Variants in CSMD1 observed in about 807,000 individuals in gnomAD.
The protein encoded by CSMD1 is CUB and sushi domain-containing protein 1.
Under a neutral mutation model 417.5 loss-of-function variants are expected in CSMD1, and 213 were observed. That is an observed-to-expected ratio of 0.51 (90% CI 0.46 to 0.57). CSMD1 has a LOEUF of 0.57. Ranked by LOEUF, CSMD1 falls within the 20% of genes least tolerant of loss-of-function variation. CSMD1 has a pLI of 0.00. For synonymous variants in CSMD1, 2,862 were observed against 1,736.8 expected (o/e 1.65, Z -16.11); for missense variants, 6,923 against 4,529.7 (o/e 1.53, Z -15.17).
chr8:3,241,973 T>C (rs111279098), intron 26 of CSMD1, among the ~76,000 whole-genome samples: 70,308 of 99,154 alleles, frequency 0.71, 26,270 homozygotes, highest in Non-Finnish European at 0.81. Flanking sequence ...TAAGACGGCC[T>C]TTTGACCTTT....
At chr8:3,696,685 A>T (rs765682820) in intron 7 of CSMD1, among the ~76,000 whole-genome samples, 1 of 152,224 alleles carries the variant, frequency 6.6e-6, no homozygotes. Flanking sequence ...ATAAGACAAC[A>T]GTCAGTAAGG....
intron 5 of CSMD1, chr8:3,949,822 C>A: frequency 2.3e-6 from 1 of 439,052 alleles, no homozygotes; most frequent in South Asian, 1.6e-5. Context: ...CAATGACCTG[C>A]TTCCATCTTT....
chr8:3,912,631 G>GT (rs1262597813), intron 5 of CSMD1, among the ~76,000 whole-genome samples: 1 of 152,152 alleles, frequency 6.6e-6, no homozygotes, highest in Non-Finnish European at 1.5e-5. Flanking sequence ...TGCACCCAGT[G>GT]TTTACAAGCG....
In CSMD1 at chr8:3,150,773, C is replaced by T. The variant is rs537492227; in HGVS notation, c.6031+624G>A. ...AAACCAGGAGGCAGACAGGGAAAGG[C>T]GTGAGAGGGGATCAAAATTTCACAA... On this transcript the variant is annotated intron_variant, in intron 40 of 69. Coordinates refer to ENST00000635120, the MANE Select transcript of CSMD1 (RefSeq NM_033225.6). 1.9e-4 allele frequency among the ~76,000 whole-genome samples: 29 copies of T among 151,964 alleles called. No individual in the cohort carries two copies. The South Asian group carries it at 3.5e-3, about 19-fold the overall frequency.
chr8:3,136,766 C>T (rs114221825), intron 41 of CSMD1, among the ~76,000 whole-genome samples: 2 of 152,164 alleles, frequency 1.3e-5, no homozygotes, highest in African/African-American at 2.4e-5. Flanking sequence ...TCCCACCATC[C>T]CTGGGTAACT....
intron 1 of CSMD1, among the ~76,000 whole-genome samples, chr8:4,802,807 G>T (rs1309103629): frequency 6.6e-6 from 1 of 152,132 alleles, no homozygotes; most frequent in Non-Finnish European, 1.5e-5. Flanking sequence ...ACGTCATAGG[G>T]AAGGACAGAC....
intron 5 of CSMD1, among the ~76,000 whole-genome samples, chr8:3,830,338 G>A (rs1019319060): frequency 3.9e-5 from 6 of 152,336 alleles, no homozygotes; most frequent in South Asian, 2.1e-4. Flanking sequence ...ATGATTGGTC[G>A]TTGGTTCACA....
chr8:2,974,706 A>G (rs552285349), intron 55 of CSMD1, 82 bp from the exon 56 acceptor site: 6 of 958,468 alleles, frequency 6.3e-6, no homozygotes, highest in Non-Finnish European at 5.8e-6. Context: ...ACAGACACCC[A>G]TACTGACATC....
intron 3 of CSMD1, among the ~76,000 whole-genome samples, chr8:4,373,989 C>T (rs1047391494): frequency 1.1e-4 from 16 of 152,054 alleles, no homozygotes; most frequent in African/African-American, 3.6e-4. Flanking sequence ...AACGGAAAAG[C>T]CAGTATGAAC....
At position 4,979,441 on chromosome 8, in the gene CSMD1, G is replaced by A. The variant is rs750279860; in HGVS notation, c.85+14891C>T. 1.5e-4 allele frequency among the ~76,000 whole-genome samples: 23 copies of A among 152,022 alleles called. No homozygotes were observed. In the South Asian group the frequency reaches 1.7e-3, roughly 11 times the overall value. On this transcript the variant is annotated intron_variant, in intron 1 of 69. Coordinates refer to ENST00000635120, the MANE Select transcript of CSMD1 (RefSeq NM_033225.6). ...AGACGGAACTCGAGCTTACTTAGCC[G>A]TATAGCAGATGCCGTCAAAGGTACC...
At chr8:4,262,866 A>C (rs543828371) in intron 3 of CSMD1, among the ~76,000 whole-genome samples, 46 of 152,298 alleles carry the variant, frequency 3.0e-4, no homozygotes, top group African/African-American at 1.1e-3. Flanking sequence ...AAGCCAATAA[A>C]AACAGCATTT....
chr8:4,298,003 C>T (rs555402469), intron 3 of CSMD1, among the ~76,000 whole-genome samples: 4 of 152,104 alleles, frequency 2.6e-5, no homozygotes, highest in South Asian at 4.1e-4. Flanking sequence ...ATGTAGCAAA[C>T]GCTTGTTTCC....
chr8:4,014,181 T>C (rs573198793), intron 4 of CSMD1, among the ~76,000 whole-genome samples: 1 of 152,302 alleles, frequency 6.6e-6, no homozygotes, highest in East Asian at 1.9e-4. Flanking sequence ...AATGCATTCA[T>C]TAAGTTTGCA....
At chr8:4,306,290 C>G (rs1358370648) in intron 3 of CSMD1, among the ~76,000 whole-genome samples, 2 of 152,154 alleles carry the variant, frequency 1.3e-5, no homozygotes, top group African/African-American at 4.8e-5. Flanking sequence ...TGAATAGACA[C>G]TAAATAATAT....
intron 4 of CSMD1, among the ~76,000 whole-genome samples, chr8:4,021,240 A>G (rs1347896523): frequency 1.3e-5 from 2 of 152,260 alleles, no homozygotes; most frequent in African/African-American, 4.8e-5. Flanking sequence ...TTTGAAAATC[A>G]AAATACTTCA....
intron 6 of CSMD1, among the ~76,000 whole-genome samples, chr8:3,730,420 A>G (rs1403937566): frequency 1.4e-5 from 2 of 142,784 alleles, no homozygotes; most frequent in Non-Finnish European, 3.0e-5. Flanking sequence ...GCTGGGATAG[A>G]GCAAACCTCT....
At chr8:3,929,134 G>A (rs962543684) in intron 5 of CSMD1, among the ~76,000 whole-genome samples, 1 of 150,264 alleles carries the variant, frequency 6.7e-6, no homozygotes, top group African/African-American at 2.5e-5. Flanking sequence ...TAAGCAAGAT[G>A]CTTTCTACTG....
intron 1 of CSMD1, among the ~76,000 whole-genome samples, chr8:4,959,988 G>A (rs986243017): frequency 4.6e-5 from 7 of 152,040 alleles, no homozygotes; most frequent in Admixed American, 4.6e-4. Context: ...ACTGACTTAT[G>A]GTTTCTCTTT....
intron 3 of CSMD1, among the ~76,000 whole-genome samples, chr8:4,150,870 A>T (rs1308825644): frequency 2.7e-5 from 3 of 111,484 alleles, no homozygotes; most frequent in African/African-American, 1.0e-4. Flanking sequence ...ATATAAAAAA[A>T]TGTCCTGCTG....
Sources: gnomAD v4.1 joint callset for allele counts (sites outside exome capture counted in the v4.1 genomes callset) on GRCh38, gnomAD v4.1.1 for gene constraint, MANE v1.5 for transcripts, NCBI Gene and HGNC (gene_info 2026-07-23, HGNC 2026-07-21) for gene names.